Variants in MRPS28 observed in about 807,000 individuals in gnomAD.
MRPS28 encodes mitochondrial ribosomal protein S28, also known as small ribosomal subunit protein bS1m.
A neutral mutation model predicts 10.8 loss-of-function variants in MRPS28; 7 were observed. The ratio of observed to expected loss-of-function variants is 0.65; its 90% CI spans 0.37 to 1.22. MRPS28 has a LOEUF of 1.22. MRPS28 is among the 50% of genes most tolerant of loss of function. MRPS28 has a pLI of 0.02. For synonymous variants in MRPS28, 121 were observed against 93.3 expected, an observed-to-expected ratio of 1.30 and a Z score of -1.71; for missense variants, 265 against 232.9, an observed-to-expected ratio of 1.14 and a Z score of -0.90.
intron 1 of MRPS28, among the ~76,000 whole-genome samples, chr8:80,016,927 TCAA>T (rs901025284): frequency 2.0e-5 from 3 of 152,114 alleles, no homozygotes; most frequent in African/African-American, 7.2e-5. Flanking sequence ...ATAGCTGAAC[TCAA>T]CAACATCATA....
chr8:80,016,083 TAGA>T (rs1327117323), intron 1 of MRPS28, among the ~76,000 whole-genome samples: 1 of 152,180 alleles, frequency 6.6e-6, no homozygotes, highest in Non-Finnish European at 1.5e-5. Flanking sequence ...ATGGGAATTC[TAGA>T]AGGAGAAGAA....
At chr8:79,987,692 GCCA>G (rs1808230259) in intron 2 of MRPS28, among the ~76,000 whole-genome samples, 1 of 152,186 alleles carries the variant, frequency 6.6e-6, no homozygotes, top group African/African-American at 2.4e-5. Flanking sequence ...ACCATCACTG[GCCA>G]TCAGAGAAAT....
Position 79,935,512 on chromosome 8 carries a change from C to T in MRPS28, c.396-16364G>A, listed in dbSNP as rs533114656. Reference sequence around the variant, plus strand: ...CATCCACCATTACTTTAAGGCCAAACCCTGAAAACACAGTAAAGTTTATTT... The same window carrying T: ...CATCCACCATTACTTTAAGGCCAAATCCTGAAAACACAGTAAAGTTTATTT... On this transcript the variant is annotated intron_variant, in intron 2 of 2. Coordinates refer to ENST00000276585, the MANE Select transcript of MRPS28 (RefSeq NM_014018.3). Among the ~76,000 whole-genome samples, 20 of 152,244 alleles carry T rather than the reference C, an allele frequency of 1.3e-4. No homozygotes were observed. The East Asian group carries it at 3.3e-3, about 25-fold the overall frequency.
chr8:80,025,163 G>T (rs1453393004), intron 1 of MRPS28, among the ~76,000 whole-genome samples: 1 of 152,156 alleles, frequency 6.6e-6, no homozygotes, highest in Non-Finnish European at 1.5e-5. Context: ...TGCATTTTAT[G>T]AGTTCAAATT....
chr8:80,005,897 C>T (rs1808827864), intron 1 of MRPS28, among the ~76,000 whole-genome samples: 1 of 152,194 alleles, frequency 6.6e-6, no homozygotes, highest in African/African-American at 2.4e-5. Flanking sequence ...AAGGCCACTA[C>T]TTAATGGTAA....
At chr8:80,010,033 T>C (rs1400661132) in intron 1 of MRPS28, among the ~76,000 whole-genome samples, 1 of 152,236 alleles carries the variant, frequency 6.6e-6, no homozygotes, top group Non-Finnish European at 1.5e-5. Context: ...CTAAAGTAAA[T>C]TCCAAAAGAA....
chr8:79,929,831 T>C (rs1258037202), intron 2 of MRPS28, among the ~76,000 whole-genome samples: 3 of 152,148 alleles, frequency 2.0e-5, no homozygotes, highest in Non-Finnish European at 4.4e-5. Context: ...ATTAGATGAC[T>C]TTCAAGATCC....
chr8:79,991,628 G>A (rs1034202016), intron 2 of MRPS28, among the ~76,000 whole-genome samples: 1 of 152,220 alleles, frequency 6.6e-6, no homozygotes, highest in Non-Finnish European at 1.5e-5. Flanking sequence ...AAACAGAGCA[G>A]AGAAAGATGT....
At chr8:79,951,396 T>C (rs115325828) in intron 2 of MRPS28, among the ~76,000 whole-genome samples, 2,456 of 152,260 alleles carry the variant, frequency 0.016, 71 homozygotes, top group African/African-American at 0.056. Context: ...TGGTAGCCTC[T>C]TGCCCATCCA....
chr8:79,941,865 A>C (rs748176895), intron 2 of MRPS28, among the ~76,000 whole-genome samples: 7 of 152,170 alleles, frequency 4.6e-5, no homozygotes, highest in Non-Finnish European at 1.0e-4. Flanking sequence ...AAATATTGTA[A>C]ATTAGGGAGA....
In MRPS28 at chr8:79,946,107, A is replaced by G. The variant is rs55803908; in HGVS notation, c.396-26959T>C. On this transcript the variant is annotated intron_variant, in intron 2 of 2. Coordinates refer to ENST00000276585, the MANE Select transcript of MRPS28 (RefSeq NM_014018.3). Reference sequence around the variant, plus strand: ...AACCTAAAAACCCTCCTTGATCTCAATGCTCCATATAAAATACCAATTCCA... The same window carrying G: ...AACCTAAAAACCCTCCTTGATCTCAGTGCTCCATATAAAATACCAATTCCA... 9.9e-3 allele frequency among the ~76,000 whole-genome samples: 1,512 copies of G among 152,254 alleles called. 12 individuals carry two copies. Among genetic ancestry groups the G allele is most frequent in the African/African-American group, 0.014 (599 of 41,574 alleles).
intron 1 of MRPS28, among the ~76,000 whole-genome samples, chr8:80,004,176 A>T (rs1808754580): frequency 6.6e-6 from 1 of 152,180 alleles, no homozygotes; most frequent in Non-Finnish European, 1.5e-5. Context: ...CTGAGAACAG[A>T]CAGACTGCCT....
intron 2 of MRPS28, among the ~76,000 whole-genome samples, chr8:79,946,163 C>T (rs1299422086): frequency 1.3e-5 from 2 of 152,048 alleles, no homozygotes; most frequent in African/African-American, 4.8e-5. Context: ...ATATCATGAA[C>T]CCATTCCTTC....
intron 2 of MRPS28, among the ~76,000 whole-genome samples, chr8:79,941,468 C>G (rs901271835): frequency 6.6e-6 from 1 of 152,074 alleles, no homozygotes; most frequent in Non-Finnish European, 1.5e-5. Flanking sequence ...CAGCTCATTT[C>G]CCCTACTTAA....
intron 2 of MRPS28, among the ~76,000 whole-genome samples, chr8:79,961,988 G>A (rs763226510): frequency 1.4e-4 from 21 of 152,164 alleles, no homozygotes; most frequent in South Asian, 4.1e-4. Flanking sequence ...GAACATTAAT[G>A]TTAAATATTA....
At chr8:79,922,177 T>C (rs1045159824) in intron 2 of MRPS28, among the ~76,000 whole-genome samples, 2 of 152,204 alleles carry the variant, frequency 1.3e-5, no homozygotes, top group Non-Finnish European at 2.9e-5. Flanking sequence ...TTGGGATTGG[T>C]TGCATTGTTA....
chr8:79,949,165 C>T (rs1036818120), intron 2 of MRPS28, among the ~76,000 whole-genome samples: 2 of 152,018 alleles, frequency 1.3e-5, no homozygotes, highest in Non-Finnish European at 2.9e-5. Flanking sequence ...CCTGTAATCC[C>T]AACACTTTGG....
intron 2 of MRPS28, among the ~76,000 whole-genome samples, chr8:79,971,524 C>A (rs1271995314): frequency 6.6e-6 from 1 of 152,134 alleles, no homozygotes; most frequent in African/African-American, 2.4e-5. Context: ...CACTGCCTCC[C>A]ATCTTCCCAT....
chr8:80,011,858 T>C (rs535957112), intron 1 of MRPS28, among the ~76,000 whole-genome samples: 5 of 152,320 alleles, frequency 3.3e-5, no homozygotes, highest in East Asian at 3.9e-4. Context: ...CTGGAGATAA[T>C]TCAGCCATCA....
Sources: gnomAD v4.1 joint callset for allele counts (sites outside exome capture counted in the v4.1 genomes callset) on GRCh38, gnomAD v4.1.1 for gene constraint, MANE v1.5 for transcripts, NCBI Gene and HGNC (gene_info 2026-07-23, HGNC 2026-07-21) for gene names.